The following AKAP13 variants were observed in gnomAD, a reference collection of about 807,000 sequenced individuals.
The protein encoded by AKAP13 is A-kinase anchor protein 13.
A neutral mutation model predicts 264.5 loss-of-function variants in AKAP13; 80 were observed. The observed-to-expected ratio is 0.30, with a 90% CI of 0.25 to 0.36. The LOEUF is 0.36. AKAP13 is among the 10% of genes least tolerant of loss of function. The pLI is 1.00. For missense variants in AKAP13, 3,712 were observed against 3,435.2 expected, an observed-to-expected ratio of 1.08 and a Z score of -2.01; for synonymous variants, 1,380 against 1,250.2, an observed-to-expected ratio of 1.10 and a Z score of -2.19.
intron 2 of AKAP13, among the ~76,000 whole-genome samples, chr15:85,500,411 T>C (rs935774035): frequency 6.6e-6 from 1 of 152,204 alleles, no homozygotes; most frequent in Non-Finnish European, 1.5e-5. Context: ...AAAGTTCTAG[T>C]ATGTTGATTG....
intron 10 of AKAP13, among the ~76,000 whole-genome samples, chr15:85,648,514 G>C (rs1403099880): frequency 1.3e-5 from 2 of 151,944 alleles, no homozygotes; most frequent in Non-Finnish European, 2.9e-5. Context: ...TGCTAGATTT[G>C]GAAGATTTTT....
chr15:85,660,580 TG>T (rs902675197), intron 12 of AKAP13, among the ~76,000 whole-genome samples: 22 of 152,256 alleles, frequency 1.4e-4, no homozygotes, highest in Middle Eastern at 3.4e-3. Flanking sequence ...AAAAAGAAGT[TG>T]GATATTTAGG....
At chr15:85,689,096 G>A (rs976935445) in intron 16 of AKAP13, among the ~76,000 whole-genome samples, 2 of 152,160 alleles carry the variant, frequency 1.3e-5, no homozygotes, top group African/African-American at 4.8e-5. Flanking sequence ...CAAACAAGAG[G>A]TGGTTAGAAA....
chr15:85,705,598 G>A (rs2086187604), intron 17 of AKAP13, among the ~76,000 whole-genome samples: 1 of 138,932 alleles, frequency 7.2e-6, no homozygotes, highest in Non-Finnish European at 1.6e-5. Context: ...ACATTAGAGT[G>A]TGATGATTTT....
intron 1 of AKAP13, among the ~76,000 whole-genome samples, chr15:85,434,093 G>A (rs1240173147): frequency 3.5e-4 from 3 of 8,660 alleles, no homozygotes; most frequent in African/African-American, 1.3e-3. Context: ...AGTGCCAGAC[G>A]GCGCAGGCCA....
chr15:85,555,267 A>G, intron 5 of AKAP13: 1 of 191,554 alleles, frequency 5.2e-6, no homozygotes, highest in East Asian at 1.9e-4. Flanking sequence ...TGTAGAACTC[A>G]TTAAGGTTGG....
chr15:85,737,511 G>A (rs1045827525), intron 33 of AKAP13, among the ~76,000 whole-genome samples: 4 of 152,102 alleles, frequency 2.6e-5, no homozygotes, highest in Admixed American at 1.3e-4. Context: ...AAGTCTCCAA[G>A]GAACTTTATT....
At chr15:85,583,674 A>G (rs1423351881) in intron 7 of AKAP13, among the ~76,000 whole-genome samples, 1 of 152,214 alleles carries the variant, frequency 6.6e-6, no homozygotes, top group Non-Finnish European at 1.5e-5. Flanking sequence ...TTTCTGGCTC[A>G]GTGGTCAGAA....
chr15:85,559,087 T>A (rs2078256510), intron 5 of AKAP13, among the ~76,000 whole-genome samples: 1 of 152,192 alleles, frequency 6.6e-6, no homozygotes, highest in African/African-American at 2.4e-5. Context: ...TTCTCTTTTT[T>A]CCTGTTCTCA....
rs753131765 is a variant in AKAP13 at position 85,581,231 on chromosome 15, G to A, written c.3163G>A (p.Asp1055Asn). 6.2e-6 allele frequency: 10 copies of A among 1,614,046 alleles called. No individual in the cohort carries two copies. In the Admixed American group the frequency reaches 6.7e-5, roughly 11 times the overall value. ...CLLPDGSDGS[D>N]ALNCSQPSPL... ...GTTGCCAGATGGGTCTGATGGGTCCGATGCTCTTAACTGCAGTCAGCCTTC... is the reference window on the plus strand; with the variant it reads ...GTTGCCAGATGGGTCTGATGGGTCCAATGCTCTTAACTGCAGTCAGCCTTC... The change falls in exon 7 of 37, where the codon GAT (aspartate) becomes AAT (asparagine). Residue 1055 changes from aspartate to asparagine, a missense_variant. Asp to Asn is a conservative substitution (Grantham distance 23). This residue lies in a region of AKAP13 where 2,759 missense variants were observed against 2,411.7 expected (regional missense o/e 1.14). Coordinates refer to ENST00000394518, the MANE Select transcript of AKAP13 (RefSeq NM_007200.5).
chr15:85,689,430 T>C (rs182957098), intron 16 of AKAP13, among the ~76,000 whole-genome samples: 1 of 152,318 alleles, frequency 6.6e-6, no homozygotes. Flanking sequence ...TATAAAGGGG[T>C]ATTTTTGGAA....
intron 8 of AKAP13, among the ~76,000 whole-genome samples, chr15:85,618,821 C>G (rs1384708547): frequency 6.6e-6 from 1 of 152,184 alleles, no homozygotes; most frequent in South Asian, 2.1e-4. Flanking sequence ...TAAATCAACT[C>G]CATCATCCCT....
intron 8 of AKAP13, among the ~76,000 whole-genome samples, chr15:85,628,186 C>T (rs1398567759): frequency 4.6e-5 from 7 of 152,168 alleles, no homozygotes; most frequent in Non-Finnish European, 1.0e-4. Flanking sequence ...GTCAAGCCTT[C>T]GTAACCCAAG....
At chr15:85,422,656 G>C (rs1178462171) in intron 1 of AKAP13, among the ~76,000 whole-genome samples, 2 of 152,180 alleles carry the variant, frequency 1.3e-5, no homozygotes, top group Non-Finnish European at 2.9e-5. Context: ...ACCTGCATAT[G>C]ATTTTAAATT....
At chr15:85,446,091 A>G (rs533612369) in intron 1 of AKAP13, among the ~76,000 whole-genome samples, 2 of 152,294 alleles carry the variant, frequency 1.3e-5, no homozygotes, top group South Asian at 4.1e-4. Flanking sequence ...GCAGCAGGAA[A>G]TAAAGGTATA....
At chr15:85,555,843 T>C (rs1364819207) in intron 5 of AKAP13, among the ~76,000 whole-genome samples, 1 of 152,226 alleles carries the variant, frequency 6.6e-6, no homozygotes, top group Non-Finnish European at 1.5e-5. Context: ...CTGTGGACAC[T>C]TGGTTTGGAT....
intron 5 of AKAP13, among the ~76,000 whole-genome samples, chr15:85,546,500 G>C (rs1241069682): frequency 6.6e-6 from 1 of 152,154 alleles, no homozygotes; most frequent in African/African-American, 2.4e-5. Flanking sequence ...CAAAGTGGTT[G>C]GATGAAGATA....
intron 1 of AKAP13, among the ~76,000 whole-genome samples, chr15:85,446,573 T>C (rs906619344): frequency 1.3e-5 from 2 of 152,200 alleles, no homozygotes; most frequent in Admixed American, 6.5e-5. Context: ...GGTTTGCCTA[T>C]AAGCAATAGT....
chr15:85,638,602 C>G (rs998067070), intron 8 of AKAP13, among the ~76,000 whole-genome samples: 5 of 151,956 alleles, frequency 3.3e-5, no homozygotes, highest in Non-Finnish European at 5.9e-5. Flanking sequence ...AAAATTCAAT[C>G]AAAGAGAATT....
Sources: allele counts gnomAD v4.1 joint callset (sites outside exome capture counted in the v4.1 genomes callset), GRCh38; gene constraint gnomAD v4.1.1; regional missense constraint gnomAD v4.1.1; transcripts MANE v1.5; gene names NCBI Gene and HGNC (gene_info 2026-07-23, HGNC 2026-07-21).